Variants in DLGAP1 observed in about 807,000 individuals in gnomAD.
DLGAP1 encodes disks large-associated protein 1.
DLGAP1 carries 11 observed loss-of-function variants against 90.8 expected under a neutral mutation model. That is an observed-to-expected ratio of 0.12 (90% CI 0.08 to 0.20). The LOEUF (loss-of-function observed/expected upper bound fraction) is 0.20, where lower values mean the gene tolerates loss of function less well. DLGAP1 is among the 10% of genes least tolerant of loss of function. DLGAP1 has a pLI of 1.00. For missense variants in DLGAP1, 1,050 were observed against 1,333.8 expected, an observed-to-expected ratio of 0.79 and a Z score of 3.31; for synonymous variants, 558 against 540.7, an observed-to-expected ratio of 1.03 and a Z score of -0.44.
chr18:3,897,993 ACC>A (rs1568287553), intron 3 of DLGAP1, among the ~76,000 whole-genome samples: 1 of 151,244 alleles, frequency 6.6e-6, no homozygotes, highest in East Asian at 1.9e-4. Flanking sequence ...ACGGGGTTTC[ACC>A]TTGTTAGCCA....
At chr18:4,384,905 A>G (rs661646) in intron 1 of DLGAP1, among the ~76,000 whole-genome samples, 131,769 of 152,162 alleles carry the variant, frequency 0.87, 58,397 homozygotes, top group East Asian at 1. Context: ...TTCATCCTAC[A>G]TCTTTGCTTT....
chr18:4,407,819 G>A (rs2082694254), intron 1 of DLGAP1, among the ~76,000 whole-genome samples: 1 of 151,914 alleles, frequency 6.6e-6, no homozygotes, highest in Non-Finnish European at 1.5e-5. Flanking sequence ...AAAGGGGGAG[G>A]TTGCAGTGAG....
chr18:3,959,211 A>G (rs948256239), intron 3 of DLGAP1, among the ~76,000 whole-genome samples: 2 of 152,170 alleles, frequency 1.3e-5, no homozygotes, highest in African/African-American at 4.8e-5. Context: ...TTTCTGCTCA[A>G]TATTTTAAGA....
intron 7 of DLGAP1, chr18:3,597,729 C>T (rs1357336913): frequency 1.2e-5 from 2 of 160,092 alleles, no homozygotes; most frequent in Admixed American, 1.3e-4. Flanking sequence ...AACCTCCAAA[C>T]CTGGGGAAAC....
intron 5 of DLGAP1, among the ~76,000 whole-genome samples, chr18:3,743,471 C>T (rs1397141932): frequency 6.6e-6 from 1 of 151,706 alleles, no homozygotes; most frequent in African/African-American, 2.4e-5. Context: ...TCTCCTGCCT[C>T]AGCCTCCCGA....
intron 3 of DLGAP1, among the ~76,000 whole-genome samples, chr18:3,938,757 C>T (rs1295860850): frequency 6.6e-6 from 1 of 152,120 alleles, no homozygotes; most frequent in Non-Finnish European, 1.5e-5. Context: ...ACGTGGGGCC[C>T]ATGGGCCATG....
intron 1 of DLGAP1, among the ~76,000 whole-genome samples, chr18:4,375,718 C>A (rs1349360428): frequency 6.6e-6 from 1 of 152,078 alleles, no homozygotes; most frequent in African/African-American, 2.4e-5. Flanking sequence ...TATGGCAGGG[C>A]TCAAGATGTA....
In DLGAP1 at chr18:4,406,047, C is replaced by T. The variant is rs375476180; in HGVS notation, c.-267+48959G>A. Among the ~76,000 whole-genome samples, 34 of 152,242 alleles carry T rather than the reference C, an allele frequency of 2.2e-4. No individual in the cohort carries two copies. In the East Asian group the frequency reaches 3.9e-3, roughly 17 times the overall value. On this transcript the variant is annotated intron_variant, in intron 1 of 12. Transcript: ENST00000315677. ...GGATTCCCATTAGTTACTTGGTTTA[C>T]GCCCTATGTAAGTGAAGGCGTGGCC... is the stretch of plus-strand genomic sequence containing the variant.
At chr18:3,800,877 C>T (rs1292550732) in intron 5 of DLGAP1, among the ~76,000 whole-genome samples, 1 of 152,112 alleles carries the variant, frequency 6.6e-6, no homozygotes, top group East Asian at 1.9e-4. Flanking sequence ...TGGTATTAGG[C>T]TGTTTTTGGG....
intron 3 of DLGAP1, among the ~76,000 whole-genome samples, chr18:3,904,125 C>A (rs936942146): frequency 1.3e-5 from 2 of 152,208 alleles, no homozygotes; most frequent in African/African-American, 4.8e-5. Flanking sequence ...GATGCACTCT[C>A]AGGAGCATTT....
intron 1 of DLGAP1, among the ~76,000 whole-genome samples, chr18:4,181,238 T>C (rs2077202939): frequency 6.6e-6 from 1 of 152,202 alleles, no homozygotes; most frequent in Admixed American, 6.5e-5. Flanking sequence ...TTTCATGTGA[T>C]GAACTCATTT....
At chr18:4,292,155 T>C (rs972582928) in intron 1 of DLGAP1, among the ~76,000 whole-genome samples, 1 of 152,152 alleles carries the variant, frequency 6.6e-6, no homozygotes, top group East Asian at 1.9e-4. Context: ...TTGTTCAAAA[T>C]TGAATAGCAT....
chr18:3,575,093 C>T (rs1283358181), intron 8 of DLGAP1, among the ~76,000 whole-genome samples: 1 of 152,126 alleles, frequency 6.6e-6, no homozygotes, highest in African/African-American at 2.4e-5. Context: ...GGATTACAGG[C>T]GTGAGCCACC....
chr18:4,450,870 A>G (rs971299517), intron 1 of DLGAP1, among the ~76,000 whole-genome samples: 1 of 152,206 alleles, frequency 6.6e-6, no homozygotes, highest in Non-Finnish European at 1.5e-5. Flanking sequence ...CAGAACACTG[A>G]TATCTAGTTC....
rs1287092469 is a variant in DLGAP1, at chr18:3,711,772, A to C, written c.1591+17363T>G. Among the ~76,000 whole-genome samples, 1 of 152,158 alleles carries C rather than the reference A, an allele frequency of 6.6e-6. No homozygotes were observed. The highest frequency in any genetic ancestry group is 1.5e-5 in the Non-Finnish European group (1 of 68,022). On this transcript the variant is annotated intron_variant, in intron 7 of 12. Transcript: ENST00000315677. The surrounding 1 kb of genome is among the most constrained non-coding windows in gnomAD (Gnocchi z 4.0). ...GAGGCTTGCTTGAGCCCGGGAGATC[A>C]AGGCTGTTGTGAGCCATGATCATGC...
chr18:4,277,867 T>C (rs2145408713), intron 1 of DLGAP1, among the ~76,000 whole-genome samples: 1 of 152,276 alleles, frequency 6.6e-6, no homozygotes, highest in African/African-American at 2.4e-5. Flanking sequence ...TTCATGGAAT[T>C]TCAGCCCTTG....
intron 4 of DLGAP1, among the ~76,000 whole-genome samples, chr18:3,861,187 C>T (rs2070030253): frequency 6.6e-6 from 1 of 152,116 alleles, no homozygotes; most frequent in African/African-American, 2.4e-5. Flanking sequence ...ACAAAAAATC[C>T]TATGACAGGG....
In DLGAP1 at chr18:3,756,295, C is replaced by T. The variant is rs111368198; in HGVS notation, c.1173-13783G>A. Among the ~76,000 whole-genome samples, 864 of 152,150 alleles carry T rather than the reference C, an allele frequency of 5.7e-3. 13 individuals are homozygous for T. Among genetic ancestry groups the T allele is most frequent in the African/African-American group, 0.019 (804 of 41,498 alleles). ...CGATCTCCTGACCTTGTGATCTGCT[C>T]GCCTCGGCCTTCCAAAGTGCTGGGA... On this transcript the variant is annotated intron_variant, in intron 5 of 12. Transcript: ENST00000315677.
At position 3,729,185 on chromosome 18, in the gene DLGAP1, G is replaced by A. The variant is rs866609098; in HGVS notation, c.1541C>T (p.Ser514Phe). The part of the protein sequence containing the change: ...QDDECVSLRS[S>F]SPPRTTTTVR... ...GGTGGTGGTGGTGCGCGGCGGCGAGGACGACCTCAGGGACACGCACTCGTC... is the reference window on the plus strand; with the variant it reads ...GGTGGTGGTGGTGCGCGGCGGCGAGAACGACCTCAGGGACACGCACTCGTC... The change falls in exon 7 of 13, where the codon TCC becomes TTC. Residue 514 changes from serine (S) to phenylalanine (F), a missense_variant. Transcript: ENST00000315677. This position sits in a 1 kb window ranked among gnomAD's most constrained non-coding sequence, Gnocchi z 6.2. 1 of 1,613,670 alleles carries A rather than the reference G, an allele frequency of 6.2e-7. No homozygotes were observed.
Sources: gnomAD v4.1 joint callset for allele counts (sites outside exome capture counted in the v4.1 genomes callset) on GRCh38, gnomAD v4.1.1 for gene constraint, Gnocchi (gnomAD v3.1) non-coding constraint, MANE v1.5 for transcripts, NCBI Gene and HGNC (gene_info 2026-07-23, HGNC 2026-07-21) for gene names.